TIAM1: variants seen among roughly 807,000 people sequenced by gnomAD.
TIAM1 encodes rho guanine nucleotide exchange factor TIAM1.
Under a neutral mutation model 163.5 loss-of-function variants are expected in TIAM1, and 65 were observed. The observed-to-expected ratio is 0.40, with a 90% confidence interval of 0.33 to 0.49. The LOEUF (loss-of-function observed/expected upper bound fraction) is 0.49. TIAM1 is among the 20% of genes least tolerant of loss of function. TIAM1 has a pLI of 0.77. For missense variants in TIAM1, 1,789 were observed against 2,044.7 expected, an observed-to-expected ratio of 0.87 and a Z score of 2.41; for synonymous variants, 833 against 810.1, an observed-to-expected ratio of 1.03 and a Z score of -0.48.
At chr21:31,212,091 CAG>C (rs775496087) in intron 10 of TIAM1, among the ~76,000 whole-genome samples, 3 of 152,170 alleles carry the variant, frequency 2.0e-5, no homozygotes, top group Non-Finnish European at 4.4e-5. Flanking sequence ...TTTCATCAGA[CAG>C]AGATGCTCAG....
rs191205213 is a variant in TIAM1, at chr21:31,488,679, C to T, written c.-421-24644G>A. 1.0e-3 allele frequency among the ~76,000 whole-genome samples: 159 copies of T among 152,236 alleles called. 1 individual carries two copies. The highest frequency in any genetic ancestry group is 4.1e-4 in the Non-Finnish European group (28 of 68,014). On this transcript the variant is annotated intron_variant, in intron 1 of 28. Transcript: ENST00000286827. ...TGCCATTTATAAAACCATCAGATCTCGTGAGACTTATTCACTACCAGAACA... is the reference window on the plus strand; with the variant it reads ...TGCCATTTATAAAACCATCAGATCTTGTGAGACTTATTCACTACCAGAACA...
At chr21:31,195,327 C>G (rs763707100) in intron 12 of TIAM1, 22 bp from the exon 13 acceptor site, 4 of 1,546,618 alleles carry the variant, frequency 2.6e-6, no homozygotes, top group Non-Finnish European at 3.5e-6. Context: ...AAAGGGGAAT[C>G]TAATTAGAAT....
intron 1 of TIAM1, among the ~76,000 whole-genome samples, chr21:31,488,376 G>A (rs2046346522): frequency 6.6e-6 from 1 of 152,182 alleles, no homozygotes; most frequent in Admixed American, 6.5e-5. Context: ...AGGGGGATGG[G>A]GAGGGAGATA....
At chr21:31,222,676 CAT>C (rs146567405) in intron 8 of TIAM1, among the ~76,000 whole-genome samples, 2,906 of 48,096 alleles carry the variant, frequency 0.06, 160 homozygotes, top group South Asian at 0.078. Flanking sequence ...TGTACACATA[CAT>C]ATATATATAT....
chr21:31,195,830 T>C (rs1184563755), intron 12 of TIAM1, among the ~76,000 whole-genome samples: 1 of 152,082 alleles, frequency 6.6e-6, no homozygotes, highest in East Asian at 1.9e-4. Flanking sequence ...AAAACTGAAG[T>C]ACACAAATTA....
In TIAM1 at chr21:31,118,541, C is replaced by T. The variant is rs1249125213; in HGVS notation, c.*1827G>A. The T allele has an allele frequency of 6.4e-6, 3 of 469,594 alleles. No individual in the cohort carries two copies. Among genetic ancestry groups the T allele is most frequent in the East Asian group, 6.9e-5 (1 of 14,390 alleles). 29.1% of individuals were successfully genotyped at this position (469,594 alleles called of 1,614,324 possible). ...TATATAAGAACTTTTGACATAGACA[C>T]GTCATGACCTTATGTACAAGAGACA... On this transcript the variant is annotated 3_prime_UTR_variant, in exon 28 of 28. Coordinates refer to ENST00000541036, the MANE Select transcript of TIAM1 (RefSeq NM_001353694.2).
chr21:31,376,877 G>T (rs1180277762), intron 2 of TIAM1, among the ~76,000 whole-genome samples: 1 of 151,712 alleles, frequency 6.6e-6, no homozygotes, highest in African/African-American at 2.4e-5. Flanking sequence ...TTTATTTTTT[G>T]AATCAGAGTC....
At chr21:31,316,718 G>A (rs2075135900) in intron 2 of TIAM1, among the ~76,000 whole-genome samples, 1 of 152,188 alleles carries the variant, frequency 6.6e-6, no homozygotes, top group Admixed American at 6.5e-5. Flanking sequence ...ATGGCTCTGG[G>A]AAGGTGAGTC....
intron 2 of TIAM1, among the ~76,000 whole-genome samples, chr21:31,334,348 G>A (rs2075774453): frequency 6.6e-6 from 1 of 151,334 alleles, no homozygotes; most frequent in African/African-American, 2.4e-5. Context: ...GCAATGGCGT[G>A]GTTCTGACTC....
In TIAM1 at chr21:31,550,482, G is replaced by A. The variant is rs1328521248; in HGVS notation, c.-422+8445C>T. ...ATTAGTGGTAGCCAAGTGCTGGGAG[G>A]AAGGGTAGAGAAAGGAAGTGACTGT... On this transcript the variant is annotated intron_variant, in intron 1 of 28. Coordinates refer to the TIAM1 transcript ENST00000286827. 8.5e-5 allele frequency among the ~76,000 whole-genome samples: 13 copies of A among 152,240 alleles called. No individual in the cohort carries two copies. The East Asian group carries it at 2.5e-3, about 29-fold the overall frequency.
chr21:31,381,513 C>T (rs2076778561), intron 2 of TIAM1, among the ~76,000 whole-genome samples: 1 of 152,028 alleles, frequency 6.6e-6, no homozygotes, highest in Admixed American at 6.6e-5. Flanking sequence ...ACTAAAAATA[C>T]AAAAATTAGC....
intron 2 of TIAM1, among the ~76,000 whole-genome samples, chr21:31,371,205 A>G (rs1451512056): frequency 6.6e-6 from 1 of 151,796 alleles, no homozygotes; most frequent in Non-Finnish European, 1.5e-5. Context: ...GGAAAAGAAA[A>G]CCCCAGAGTT....
chr21:31,386,529 C>T (rs1480307966), intron 2 of TIAM1, among the ~76,000 whole-genome samples: 1 of 152,134 alleles, frequency 6.6e-6, no homozygotes, highest in Non-Finnish European at 1.5e-5. Flanking sequence ...GAGGAACTGC[C>T]GCAGCCCTTC....
At chr21:31,157,115 C>T (rs2083660970) in intron 16 of TIAM1, among the ~76,000 whole-genome samples, 1 of 152,228 alleles carries the variant, frequency 6.6e-6, no homozygotes, top group Non-Finnish European at 1.5e-5. Flanking sequence ...TAAGTTCCTA[C>T]AGCACATTTC....
chr21:31,278,559 C>T (rs1002818562), intron 2 of TIAM1, among the ~76,000 whole-genome samples: 2 of 152,154 alleles, frequency 1.3e-5, no homozygotes, highest in Admixed American at 1.3e-4. Flanking sequence ...ACACTTTGAG[C>T]AGGAATATGA....
At chr21:31,181,787 T>C (rs1331777153) in intron 15 of TIAM1, among the ~76,000 whole-genome samples, 27 of 85,158 alleles carry the variant, frequency 3.2e-4, no homozygotes, top group African/African-American at 4.3e-4. Context: ...TTTTTTTTTT[T>C]TTTTTTTTTT....
rs368675706 is a variant in TIAM1, at chr21:31,458,767, G to C, written c.-369+5216C>G. 3.3e-5 allele frequency among the ~76,000 whole-genome samples: 5 copies of C among 152,108 alleles called. No homozygotes were observed. In the East Asian group the frequency reaches 7.7e-4, roughly 24 times the overall value. On this transcript the variant is annotated intron_variant, in intron 2 of 28. Transcript: ENST00000286827. ...AACAGGAAGGGGAGGGGAGGGAGGGGTCTGGGGAGAGGGCTGCTACTTCAG... is the reference window on the plus strand; with the variant it reads ...AACAGGAAGGGGAGGGGAGGGAGGGCTCTGGGGAGAGGGCTGCTACTTCAG...
chr21:31,222,711 T>TTA (rs1569057033), intron 8 of TIAM1, among the ~76,000 whole-genome samples: 1 of 68,524 alleles, frequency 1.5e-5, no homozygotes, highest in Admixed American at 1.8e-4. Flanking sequence ...ATATATATTT[T>TTA]TTTTTTTTTT....
At chr21:31,456,370 A>G (rs2045101535) in intron 2 of TIAM1, among the ~76,000 whole-genome samples, 1 of 152,162 alleles carries the variant, frequency 6.6e-6, no homozygotes, top group South Asian at 2.1e-4. Context: ...CAGGTGCGTG[A>G]GGATCAGTAG....
Sources: gnomAD v4.1 joint callset for allele counts (sites outside exome capture counted in the v4.1 genomes callset) on GRCh38, gnomAD v4.1.1 for gene constraint, MANE v1.5 for transcripts, NCBI Gene and HGNC (gene_info 2026-07-23, HGNC 2026-07-21) for gene names.